Variants in CFAP20DC observed in about 807,000 individuals in gnomAD.
The protein encoded by CFAP20DC is protein CFAP20DC.
Under a neutral mutation model 101.7 loss-of-function variants are expected in CFAP20DC, and 84 were observed. The observed-to-expected ratio is 0.83, with a 90% CI of 0.69 to 0.99. The LOEUF (loss-of-function observed/expected upper bound fraction) is 0.99. Among genes scored for constraint, CFAP20DC ranks in the 50% least tolerant of loss-of-function variants. CFAP20DC has a pLI of 0.00. For synonymous variants in CFAP20DC, 359 were observed against 351.2 expected (o/e 1.02, Z -0.25); for missense variants, 1,007 against 970.3 (o/e 1.04, Z -0.50).
intron 5 of CFAP20DC, among the ~76,000 whole-genome samples, chr3:58,923,070 C>A (rs1559829111): frequency 6.6e-6 from 1 of 152,042 alleles, no homozygotes; most frequent in Non-Finnish European, 1.5e-5. Flanking sequence ...CCACACCTGG[C>A]TAATTTTTAT....
intron 10 of CFAP20DC, 142 bp downstream of exon 10, chr3:58,867,675 G>T: frequency 2.0e-6 from 2 of 985,712 alleles, no homozygotes; most frequent in Non-Finnish European, 3.0e-6. Context: ...CAGAAAATTT[G>T]ATTTCCATAA....
chr3:58,817,282 T>C (rs866776883), intron 14 of CFAP20DC, among the ~76,000 whole-genome samples: 1 of 152,172 alleles, frequency 6.6e-6, no homozygotes, highest in African/African-American at 2.4e-5. Context: ...GGAACAAAGC[T>C]GGATGGAGAA....
At chr3:59,004,228 T>C (rs934654556) in intron 4 of CFAP20DC, among the ~76,000 whole-genome samples, 2 of 152,108 alleles carry the variant, frequency 1.3e-5, no homozygotes, top group Non-Finnish European at 2.9e-5. Context: ...AGGTGTTCAA[T>C]AAGTATCTGG....
At chr3:58,854,047 C>G (rs1167691211) in intron 12 of CFAP20DC, among the ~76,000 whole-genome samples, 1 of 152,082 alleles carries the variant, frequency 6.6e-6, no homozygotes, top group Non-Finnish European at 1.5e-5. Context: ...GTCAAATTGT[C>G]CCTGTTTGCA....
intron 6 of CFAP20DC, among the ~76,000 whole-genome samples, chr3:58,889,469 T>A (rs2081965025): frequency 2.0e-5 from 3 of 152,058 alleles, no homozygotes; most frequent in Admixed American, 2.0e-4. Flanking sequence ...CAAACAGAAC[T>A]GAGAGGAATC....
At chr3:58,766,435 G>T (rs1366962397) in intron 15 of CFAP20DC, among the ~76,000 whole-genome samples, 1 of 152,102 alleles carries the variant, frequency 6.6e-6, no homozygotes, top group African/African-American at 2.4e-5. Flanking sequence ...CCACCACCAA[G>T]GTCTAAGCAA....
chr3:58,806,298 G>T, intron 15 of CFAP20DC, 97 bp downstream of exon 15: 1 of 809,838 alleles, frequency 1.2e-6, no homozygotes, highest in Non-Finnish European at 2.1e-6. Context: ...TTGGAAGCTA[G>T]AAGTTTTGGA....
At position 58,989,612 on chromosome 3, in the gene CFAP20DC, G is replaced by A. The variant is rs555919019; in HGVS notation, c.278+49945C>T. Among the ~76,000 whole-genome samples, 12 of 152,088 alleles carry A rather than the reference G, an allele frequency of 7.9e-5. No individual in the cohort carries two copies. In the East Asian group the frequency reaches 1.7e-3, roughly 22 times the overall value. On this transcript the variant is annotated intron_variant, in intron 4 of 16. Coordinates refer to ENST00000482387, the MANE Select transcript of CFAP20DC (RefSeq NM_001394063.1). ...AACAAATCTATAAAAGTGAACTTAT[G>A]AATAAAAAAGTAAAGTTTGACTTGT...
At chr3:58,787,064 T>G (rs2072410328) in intron 15 of CFAP20DC, among the ~76,000 whole-genome samples, 1 of 151,854 alleles carries the variant, frequency 6.6e-6, no homozygotes, top group African/African-American at 2.4e-5. Context: ...AGAAAGAATA[T>G]TATTTCAGAT....
At position 58,795,008 on chromosome 3, in the gene CFAP20DC, CAAT is replaced by C. The variant is rs2073135203; in HGVS notation, c.2237+11384_2237+11386del. On this transcript the variant is annotated intron_variant, in intron 15 of 16. Coordinates refer to ENST00000482387, the MANE Select transcript of CFAP20DC (RefSeq NM_001394063.1). This position sits in a 1 kb window ranked among gnomAD's most constrained non-coding sequence, Gnocchi z 4.2. ...GATGTGACTGGCTGTAGCCATTTAACAATAATTACGGTCTTCCATTTTTTAGGT... is the reference window on the plus strand; with the variant it reads ...GATGTGACTGGCTGTAGCCATTTAACAATTACGGTCTTCCATTTTTTAGGT... Among the ~76,000 whole-genome samples, 1 of 152,154 alleles carries C rather than the reference CAAT, an allele frequency of 6.6e-6. No individual in the cohort carries two copies. The highest frequency in any genetic ancestry group is 6.5e-5 in the Admixed American group (1 of 15,278).
intron 6 of CFAP20DC, among the ~76,000 whole-genome samples, chr3:58,886,391 T>A (rs534057265): frequency 1.3e-5 from 2 of 151,984 alleles, no homozygotes; most frequent in East Asian, 3.9e-4. Context: ...AAAAAACAGA[T>A]ACAAAAAACT....
At chr3:58,807,626 G>A (rs1027890581) in intron 14 of CFAP20DC, among the ~76,000 whole-genome samples, 4 of 152,202 alleles carry the variant, frequency 2.6e-5, no homozygotes, top group Non-Finnish European at 5.9e-5. Flanking sequence ...AAAAAACAGA[G>A]CACAAAAACT....
intron 4 of CFAP20DC, among the ~76,000 whole-genome samples, chr3:58,948,392 C>T (rs574198697): frequency 2.0e-5 from 3 of 152,288 alleles, no homozygotes; most frequent in African/African-American, 7.2e-5. Context: ...TATTGACTTG[C>T]TACAGCATGT....
downstream of CFAP20DC, chr3:58,737,249 CAAAG>C (rs1360411021): frequency 2.2e-6 from 1 of 456,324 alleles, no homozygotes; most frequent in Non-Finnish European, 4.4e-6. This position sits in a 1 kb window ranked among gnomAD's most constrained non-coding sequence, Gnocchi z 4.1. Flanking sequence ...AAACAAAAAG[CAAAG>C]AAACACACAA....
chr3:58,778,400 G>A (rs372469595), intron 15 of CFAP20DC, among the ~76,000 whole-genome samples: 48 of 152,208 alleles, frequency 3.2e-4, no homozygotes, highest in African/African-American at 9.6e-4. Flanking sequence ...GAGGTGGGGC[G>A]TTCTCTACCT....
intron 4 of CFAP20DC, among the ~76,000 whole-genome samples, chr3:58,970,904 C>T (rs2091909997): frequency 6.6e-6 from 1 of 152,114 alleles, no homozygotes; most frequent in Non-Finnish European, 1.5e-5. Context: ...TTTCAAGTAA[C>T]ATTTGCCTTC....
In CFAP20DC at chr3:58,758,585, C is replaced by T. The variant is rs563599519; in HGVS notation, c.2238-4722G>A. On this transcript the variant is annotated intron_variant, in intron 15 of 16. Transcript: ENST00000482387. ...TAAGTTTTAGGGTACATGTGCACAA[C>T]GTGCAGGTTTGTTACATATGTACAC... Among the ~76,000 whole-genome samples the T allele has an allele frequency of 3.0e-3, 452 of 152,092 alleles. 4 individuals are homozygous for T. The highest frequency in any genetic ancestry group is 2.5e-3 in the Non-Finnish European group (172 of 67,956).
chr3:58,819,460 A>G (rs1290680037), intron 14 of CFAP20DC, among the ~76,000 whole-genome samples: 1 of 150,256 alleles, frequency 6.7e-6, no homozygotes, highest in Non-Finnish European at 1.5e-5. Context: ...TAAAGGGGAT[A>G]TCACCACCGA....
At chr3:58,979,617 T>C (rs2092435452) in intron 4 of CFAP20DC, among the ~76,000 whole-genome samples, 1 of 152,180 alleles carries the variant, frequency 6.6e-6, no homozygotes, top group South Asian at 2.1e-4. Flanking sequence ...GTATCTAAAG[T>C]ATATTGATCC....
Sources: allele counts gnomAD v4.1 joint callset (sites outside exome capture counted in the v4.1 genomes callset), GRCh38; gene constraint gnomAD v4.1.1; non-coding constraint Gnocchi (gnomAD v3.1); transcripts MANE v1.5; gene names NCBI Gene and HGNC (gene_info 2026-07-23, HGNC 2026-07-21).